The following DNAI3 variants were observed in gnomAD, a reference collection of about 807,000 sequenced individuals.
DNAI3 encodes the protein dynein axonemal intermediate chain 3.
In DNAI3, 83 loss-of-function variants were observed where a neutral mutation model predicts 115.5. That is an observed-to-expected ratio of 0.72 (90% CI 0.60 to 0.86). The LOEUF is 0.86. Among genes scored for constraint, DNAI3 ranks in the 40% least tolerant of loss-of-function variants. The pLI is 0.00. For synonymous variants in DNAI3, 320 were observed against 347.0 expected (o/e 0.92, Z 0.86); for missense variants, 1,004 against 1,075.8 (o/e 0.93, Z 0.93).
Position 85,073,051 on chromosome 1 carries a change from T to C in DNAI3, c.65-3T>C, listed in dbSNP as rs199679166. ...AATTTGACTTCCTTTTATTATATTC[T>C]AGCTAGTGAAGACATGGAACCAGTA... On this transcript the variant is annotated splice_polypyrimidine_tract_variant and splice_region_variant and intron_variant, in intron 2 of 22. Transcript: ENST00000294664. 3.0e-4 allele frequency: 463 copies of C among 1,533,556 alleles called. 1 individual carries two copies. The African/African-American group carries it at 5.7e-3, about 19-fold the overall frequency. The allele number at this position is 1,533,556 out of a possible 1,614,324, so 95.0% of individuals were successfully genotyped here.
In DNAI3 at chr1:85,098,618, A is replaced by G; in HGVS notation, c.1439A>G (p.Lys480Arg). The G allele has an allele frequency of 6.2e-7, 1 of 1,613,584 alleles. No homozygotes were observed. Among genetic ancestry groups the G allele is most frequent in the Non-Finnish European group, 8.5e-7 (1 of 1,179,720 alleles). Residue 480 changes from lysine to arginine, a missense_variant, in exon 13 of 23, where the codon AAA (lysine) becomes AGA (arginine). Coordinates refer to ENST00000294664, the MANE Select transcript of DNAI3 (RefSeq NM_145172.5). ...TCTTCAATAGAAAATGGACATAAGAAAGTAATTACAGATATACACTGGTTG... is the reference window on the plus strand; with the variant it reads ...TCTTCAATAGAAAATGGACATAAGAGAGTAATTACAGATATACACTGGTTG... ...AVSSIENGHK[K>R]VITDIHWLSD...
rs181501140 is a variant in DNAI3, at chr1:85,081,278, G to T, written c.148G>T (p.Glu50Ter). ...TTTAGTATTAACCACCAAGACCCAA[G>T]AAATATTTAACTGCCGAATAGATGA... Reference protein sequence around the residue: ...YPLVLTTKTQEIFNCRIDEDV... With the variant: ...YPLVLTTKTQ The change falls in exon 4 of 23, where the codon GAA becomes TAA. Residue 50 changes from glutamate (E) to a stop codon, truncating the protein, a stop_gained. Coordinates refer to ENST00000294664, the MANE Select transcript of DNAI3 (RefSeq NM_145172.5). LOFTEE classifies it high-confidence loss of function. 14 of 1,600,956 alleles carry T rather than the reference G, an allele frequency of 8.7e-6. No individual in the cohort carries two copies. Among genetic ancestry groups the T allele is most frequent in the Non-Finnish European group, 1.0e-5 (12 of 1,176,092 alleles).
chr1:85,117,227 T>G (rs1235884815), intron 16 of DNAI3, among the ~76,000 whole-genome samples: 1 of 152,164 alleles, frequency 6.6e-6, no homozygotes, highest in African/African-American at 2.4e-5. Flanking sequence ...AAAACTAAAA[T>G]AGGATATTAT....
chr1:85,117,337 T>C (rs1187053312), intron 16 of DNAI3, among the ~76,000 whole-genome samples: 1 of 152,222 alleles, frequency 6.6e-6, no homozygotes, highest in Non-Finnish European at 1.5e-5. Context: ...CTTTTACTCA[T>C]GCTTTTCTTT....
At chr1:85,074,969 C>A (rs1006660677) in intron 3 of DNAI3, among the ~76,000 whole-genome samples, 1 of 152,214 alleles carries the variant, frequency 6.6e-6, no homozygotes, top group Non-Finnish European at 1.5e-5. Context: ...TAGACCACCA[C>A]AGCTACCCTT....
At chr1:85,086,554 C>G (rs1436536201) in intron 7 of DNAI3, among the ~76,000 whole-genome samples, 5 of 152,194 alleles carry the variant, frequency 3.3e-5, no homozygotes, top group African/African-American at 1.2e-4. Flanking sequence ...TGTGCCAGCC[C>G]TATGAGTTGC....
Position 85,088,421 on chromosome 1 carries a change from T to C in DNAI3, c.741-1695T>C, listed in dbSNP as rs565949524. Among the ~76,000 whole-genome samples the C allele has an allele frequency of 9.2e-5, 14 of 152,212 alleles. No individual in the cohort carries two copies. The South Asian group carries it at 2.9e-3, about 32-fold the overall frequency. ...GGTGACTGGGAGAATGCTGGTACCA[T>C]GCATTACAAGCAGGAAATTGGGAAG... On this transcript the variant is annotated intron_variant, in intron 7 of 22. Coordinates refer to ENST00000294664, the MANE Select transcript of DNAI3 (RefSeq NM_145172.5).
intron 17 of DNAI3, 43 bp downstream of exon 17, chr1:85,117,902 A>T: frequency 6.3e-7 from 1 of 1,584,630 alleles, no homozygotes; most frequent in Non-Finnish European, 8.6e-7. Context: ...ACTTATTTAT[A>T]CTAAAATATG....
At chr1:85,112,134 G>A (rs1026785178) in intron 16 of DNAI3, among the ~76,000 whole-genome samples, 3 of 151,796 alleles carry the variant, frequency 2.0e-5, no homozygotes, top group Non-Finnish European at 4.4e-5. Context: ...TCACTGCAGC[G>A]TCTAACTCCT....
chr1:85,081,112 ATAATTT>A (rs765152730), intron 3 of DNAI3, 116 bp from the exon 4 acceptor site: 57 of 754,508 alleles, frequency 7.6e-5, no homozygotes, highest in Admixed American at 1.2e-4. Flanking sequence ...TACAGGAATA[ATAATTT>A]TAAAGTCTTA....
chr1:85,066,708 G>C (rs923466120), intron 1 of DNAI3, among the ~76,000 whole-genome samples: 1 of 152,174 alleles, frequency 6.6e-6, no homozygotes, highest in Non-Finnish European at 1.5e-5. Context: ...AGTAAACTTA[G>C]ACTAAAGTAG....
intron 11 of DNAI3, 61 bp downstream of exon 11, chr1:85,096,081 T>C (rs1655113849): frequency 4.0e-6 from 6 of 1,500,050 alleles, no homozygotes; most frequent in Non-Finnish European, 5.6e-6. Flanking sequence ...TAATAAGTTT[T>C]GACTTGGCAG....
At chr1:85,068,189 A>G (rs1654156602) in intron 1 of DNAI3, among the ~76,000 whole-genome samples, 1 of 152,142 alleles carries the variant, frequency 6.6e-6, no homozygotes, top group Non-Finnish European at 1.5e-5. Context: ...TTGGAAAGAA[A>G]ATACAATCCC....
At chr1:85,119,535 G>T (rs547814862) in intron 17 of DNAI3, among the ~76,000 whole-genome samples, 1 of 152,132 alleles carries the variant, frequency 6.6e-6, no homozygotes, top group Non-Finnish European at 1.5e-5. Flanking sequence ...AGAAATTAAA[G>T]CATGACACCC....
chr1:85,087,681 G>T (rs780869899), intron 7 of DNAI3, among the ~76,000 whole-genome samples: 4 of 151,954 alleles, frequency 2.6e-5, no homozygotes, highest in Non-Finnish European at 4.4e-5. Context: ...ATTAAATGGA[G>T]GGGAAAAAAG....
intron 21 of DNAI3, among the ~76,000 whole-genome samples, chr1:85,129,706 T>C (rs1255062064): frequency 6.6e-6 from 1 of 152,164 alleles, no homozygotes; most frequent in Non-Finnish European, 1.5e-5. Context: ...CACAGAGCCC[T>C]AAATGTTAGC....
At chr1:85,107,815 G>A (rs575492999) in intron 14 of DNAI3, among the ~76,000 whole-genome samples, 1 of 152,222 alleles carries the variant, frequency 6.6e-6, no homozygotes, top group Admixed American at 6.5e-5. Flanking sequence ...ATTCTCATAT[G>A]TTATTAGTCC....
Position 85,128,754 on chromosome 1 carries a change from T to C in DNAI3, c.2364T>C (p.His788=), listed in dbSNP as rs17121810. The C allele has an allele frequency of 2.9e-3, 4,705 of 1,613,002 alleles. 109 individuals carry two copies. In the African/African-American group the frequency reaches 0.055, roughly 19 times the overall value. ...CAGCTGATTATTATGGAACACTGCATATATTAGAAATTCCTTGGACATTAA... is the reference window on the plus strand; with the variant it reads ...CAGCTGATTATTATGGAACACTGCACATATTAGAAATTCCTTGGACATTAA... The part of the protein sequence containing the change: ...IATADYYGTL[H]ILEIPWTLSR... The change falls in exon 21 of 23, where the codon CAT becomes CAC. Residue 788 remains histidine (H), a synonymous_variant. Coordinates refer to ENST00000294664, the MANE Select transcript of DNAI3 (RefSeq NM_145172.5).
intron 3 of DNAI3, among the ~76,000 whole-genome samples, chr1:85,077,726 A>G (rs1323079114): frequency 6.6e-6 from 1 of 152,130 alleles, no homozygotes; most frequent in African/African-American, 2.4e-5. Context: ...TTTGGGTCTT[A>G]TGGGTATGTA....
Sources: allele counts gnomAD v4.1 joint callset (sites outside exome capture counted in the v4.1 genomes callset), GRCh38; gene constraint gnomAD v4.1.1; transcripts MANE v1.5; gene names NCBI Gene and HGNC (gene_info 2026-07-23, HGNC 2026-07-21).